Variants in DNAJC18 observed in about 807,000 individuals in gnomAD.
The protein encoded by DNAJC18 is dnaJ homolog subfamily C member 18.
In DNAJC18, 40 loss-of-function variants were observed where a neutral mutation model predicts 48.6. That is an observed-to-expected ratio of 0.82 (90% CI 0.64 to 1.07). The LOEUF (loss-of-function observed/expected upper bound fraction) is 1.07, where lower values mean the gene tolerates loss of function less well. Among genes scored for constraint, DNAJC18 ranks in the 50% least tolerant of loss-of-function variants. DNAJC18 has a pLI of 0.00. For missense variants in DNAJC18, 340 were observed against 427.7 expected (o/e 0.79, Z 1.81); for synonymous variants, 135 against 152.2 (o/e 0.89, Z 0.83).
intron 2 of DNAJC18, among the ~76,000 whole-genome samples, chr5:139,435,703 A>T (rs1236258557): frequency 4.3e-5 from 1 of 23,474 alleles, no homozygotes; most frequent in African/African-American, 1.0e-4. Context: ...TCTTCATTGG[A>T]AGTTTTTTTT....
intron 6 of DNAJC18, among the ~76,000 whole-genome samples, chr5:139,421,109 A>T (rs913994835): frequency 2.6e-5 from 4 of 152,186 alleles, no homozygotes; most frequent in African/African-American, 7.2e-5. Context: ...ATGGAAAAAC[A>T]TGAGAAGCTG....
At position 139,411,773 on chromosome 5, in the gene DNAJC18, T is replaced by A. The variant is rs1374128544; in HGVS notation, c.*2375A>T. ...ATTTAGTATCATCACAGATTACTTA[T>A]CGCTGCCATGAAGTCCATAAAATGT... On this transcript the variant is annotated 3_prime_UTR_variant, in exon 8 of 8. Transcript: ENST00000302060. The A allele has an allele frequency of 2.0e-5, 3 of 152,204 alleles. No homozygotes were observed. The East Asian group carries it at 5.8e-4, about 29-fold the overall frequency. The allele number at this position is 152,204 out of a possible 1,614,324, so 9.4% of individuals were successfully genotyped here. A position where few individuals can be genotyped will look rare whatever the true frequency, so the allele number is the denominator to read the frequency against.
rs138879788 is a variant in DNAJC18, at chr5:139,412,385, C to T, written c.*1763G>A. On this transcript the variant is annotated 3_prime_UTR_variant, in exon 8 of 8. Coordinates refer to ENST00000302060, the MANE Select transcript of DNAJC18 (RefSeq NM_152686.4). ...CAGCGATTCTCATGCCTCAGCCTCC[C>T]GAGTAGCTGGGACTACAGGCATGTG... 1,418 of 212,428 alleles carry T rather than the reference C, an allele frequency of 6.7e-3. 12 individuals are homozygous for T. The highest frequency in any genetic ancestry group is 9.9e-3 in the Non-Finnish European group (1,075 of 108,214). 13.2% of individuals were successfully genotyped at this position (212,428 alleles called of 1,614,324 possible). A position where few individuals can be genotyped will look rare whatever the true frequency, so the allele number is the denominator to read the frequency against.
Position 139,437,563 on chromosome 5 carries a change from A to C in DNAJC18, c.41-5T>G. On this transcript the variant is annotated splice_polypyrimidine_tract_variant and splice_region_variant and intron_variant, in intron 1 of 7. Coordinates refer to ENST00000302060, the MANE Select transcript of DNAJC18 (RefSeq NM_152686.4). ...TTCTAACTGCGTCAATGTAAGCTGC[A>C]AACAACAGCCCCTCCATTAGGTCTC... The C allele has an allele frequency of 6.2e-7, 1 of 1,608,930 alleles. No homozygotes were observed. The highest frequency in any genetic ancestry group is 8.5e-7 in the Non-Finnish European group (1 of 1,178,152).
At position 139,437,435 on chromosome 5, in the gene DNAJC18, G is replaced by A. The variant is rs142678656; in HGVS notation, c.164C>T (p.Thr55Ile). 1.0e-4 allele frequency: 168 copies of A among 1,614,142 alleles called. 1 individual carries two copies. In the African/African-American group the frequency reaches 1.9e-3, roughly 18 times the overall value. ...GTTCCCCTCACCCTGCCGGGTCTGAGTCCACTCATTCTCAGACTTCTTTTC... is the reference window on the plus strand; with the variant it reads ...GTTCCCCTCACCCTGCCGGGTCTGAATCCACTCATTCTCAGACTTCTTTTC... ...QKEKKSENEWTQTRQGEGNST... is the reference protein window; with the variant it reads ...QKEKKSENEWIQTRQGEGNST... Residue 55 changes from threonine to isoleucine, a missense_variant, in exon 2 of 8, where the codon ACT (threonine) becomes ATT (isoleucine). By Grantham distance (89) the Thr-to-Ile change is moderately conservative. Coordinates refer to ENST00000302060, the MANE Select transcript of DNAJC18 (RefSeq NM_152686.4).
Position 139,412,700 on chromosome 5 carries a change from C to T in DNAJC18, c.*1448G>A. 2.5e-6 allele frequency: 1 copy of T among 398,714 alleles called. No individual in the cohort carries two copies. Among genetic ancestry groups the T allele is most frequent in the Non-Finnish European group, 4.4e-6 (1 of 226,118 alleles). 24.7% of individuals were successfully genotyped at this position (398,714 alleles called of 1,614,324 possible). On this transcript the variant is annotated 3_prime_UTR_variant, in exon 8 of 8. Coordinates refer to ENST00000302060, the MANE Select transcript of DNAJC18 (RefSeq NM_152686.4). ...CAGGAAGGCCCAGAACCACACAGCCCAGGCAGTGACTGAATTCTTCCTAGT... is the reference window on the plus strand; with the variant it reads ...CAGGAAGGCCCAGAACCACACAGCCTAGGCAGTGACTGAATTCTTCCTAGT...
Position 139,439,252 on chromosome 5 carries a change from C to T in DNAJC18, c.40+154G>A, listed in dbSNP as rs921245117. On this transcript the variant is annotated intron_variant, in intron 1 of 7. Transcript: ENST00000302060. This position sits in a 1 kb window ranked among gnomAD's most constrained non-coding sequence, Gnocchi z 4.1. ...CGCGGTCGGTCCCCAGCTTCCCTAC[C>T]CCATCCGCAACCCTACTCAGGCTCA... 2.0e-5 allele frequency among the ~76,000 whole-genome samples: 3 copies of T among 152,154 alleles called. No homozygotes were observed. Among genetic ancestry groups the T allele is most frequent in the Non-Finnish European group, 2.9e-5 (2 of 68,012 alleles).
At chr5:139,427,404 A>G (rs1759260845) in intron 3 of DNAJC18, among the ~76,000 whole-genome samples, 1 of 152,072 alleles carries the variant, frequency 6.6e-6, no homozygotes, top group African/African-American at 2.4e-5. Context: ...GGCATCCCGC[A>G]CTCCCTACCT....
At chr5:139,434,906 A>G (rs1390604269) in intron 2 of DNAJC18, among the ~76,000 whole-genome samples, 1 of 152,020 alleles carries the variant, frequency 6.6e-6, no homozygotes, top group Non-Finnish European at 1.5e-5. Context: ...TGTTGAACAG[A>G]GTGGCAAGAG....
In DNAJC18 at chr5:139,422,823, AAAG is replaced by A. The variant is rs1233640680; in HGVS notation, c.670-9_670-7del. 1 of 1,569,030 alleles carries A rather than the reference AAAG, an allele frequency of 6.4e-7. No homozygotes were observed. The highest frequency in any genetic ancestry group is 8.6e-7 in the Non-Finnish European group (1 of 1,162,662). ...ATAAATGCAGAATATGTAGTCTGAAAAAGAAAAAAAAATAAAAACTTGCTGTAA... is the reference window on the plus strand; with the variant it reads ...ATAAATGCAGAATATGTAGTCTGAAAAAAAAAAAATAAAAACTTGCTGTAA... On this transcript the variant is annotated splice_region_variant and splice_polypyrimidine_tract_variant and intron_variant, in intron 5 of 7. Coordinates refer to ENST00000302060, the MANE Select transcript of DNAJC18 (RefSeq NM_152686.4).
intron 2 of DNAJC18, among the ~76,000 whole-genome samples, chr5:139,429,934 C>T (rs1470272940): frequency 6.6e-6 from 1 of 152,034 alleles, no homozygotes; most frequent in Non-Finnish European, 1.5e-5. Flanking sequence ...CTCTAAAAAA[C>T]AAACAAAAAA....
chr5:139,418,804 T>C (rs941129646), intron 7 of DNAJC18: 4 of 456,224 alleles, frequency 8.8e-6, no homozygotes, highest in Admixed American at 4.7e-5. Context: ...TGTTGAGCAC[T>C]TGTTCTGAAG....
At chr5:139,418,895 G>C (rs1482136660) in intron 7 of DNAJC18, 3 of 455,492 alleles carry the variant, frequency 6.6e-6, no homozygotes, top group African/African-American at 6.0e-5. Context: ...TCTTGCAGGG[G>C]AGACTGACAT....
chr5:139,432,654 GC>G (rs1759348760), intron 2 of DNAJC18, among the ~76,000 whole-genome samples: 1 of 152,108 alleles, frequency 6.6e-6, no homozygotes, highest in African/African-American at 2.4e-5. Context: ...CTTTTTAAAG[GC>G]AGTCCCTTAA....
At position 139,425,001 on chromosome 5, in the gene DNAJC18, G is replaced by A. The variant is rs752423609; in HGVS notation, c.669+4C>T. The A allele has an allele frequency of 1.2e-6, 2 of 1,611,680 alleles. No individual in the cohort carries two copies. Among genetic ancestry groups the A allele is most frequent in the African/African-American group, 2.7e-5 (2 of 74,862 alleles). ...GGCAGCAGTGCTCCTCCCTCCCTAG[G>A]TACCTGAGGTTTCTCTTCTTCCTCC... On this transcript the variant is annotated splice_donor_region_variant and intron_variant, in intron 5 of 7. Transcript: ENST00000302060.
At position 139,425,012 on chromosome 5, in the gene DNAJC18, TTC is replaced by T; in HGVS notation, c.660_661del (p.Lys221ThrfsTer30). 6.2e-7 allele frequency: 1 copy of T among 1,612,812 alleles called. No individual in the cohort carries two copies. The highest frequency in any genetic ancestry group is 1.1e-5 in the South Asian group (1 of 91,074). On this transcript the variant is annotated frameshift_variant, in exon 5 of 8. Transcript: ENST00000302060. LOFTEE classifies it high-confidence loss of function. The stretch of plus-strand genomic sequence containing the variant: ...TCCTCCCTCCCTAGGTACCTGAGGT[TTC>T]TCTTCTTCCTCCTCCTTCTGAGTCT...
intron 2 of DNAJC18, among the ~76,000 whole-genome samples, chr5:139,432,354 G>A (rs971555529): frequency 2.6e-5 from 4 of 151,758 alleles, no homozygotes; most frequent in African/African-American, 4.8e-5. Flanking sequence ...TAGTAGAGAC[G>A]GGGTTTCACC....
rs769769757 is a variant in DNAJC18, at chr5:139,439,455, C to T, written c.-10G>A. Reference sequence around the variant, plus strand: ...CCAGAGTCGCCGCCATATCGGTTCCCAATCAGCAGGTCCGCCGAGCCTCCC... The same window carrying T: ...CCAGAGTCGCCGCCATATCGGTTCCTAATCAGCAGGTCCGCCGAGCCTCCC... On this transcript the variant is annotated 5_prime_UTR_variant, in exon 1 of 8. Transcript: ENST00000302060. This position sits in a 1 kb window ranked among gnomAD's most constrained non-coding sequence, Gnocchi z 4.1. The T allele has an allele frequency of 6.2e-7, 1 of 1,613,980 alleles. No individual in the cohort carries two copies. The highest frequency in any genetic ancestry group is 8.5e-7 in the Non-Finnish European group (1 of 1,180,018).
intron 2 of DNAJC18, among the ~76,000 whole-genome samples, chr5:139,436,515 C>CTTTT (rs57926576): frequency 0.027 from 1,818 of 67,380 alleles, 1 homozygote; most frequent in Non-Finnish European, 0.036. Flanking sequence ...ATCCCTCTTT[C>CTTTT]TTTTTTTTTT....
Sources: gnomAD v4.1 joint callset for allele counts (sites outside exome capture counted in the v4.1 genomes callset) on GRCh38, gnomAD v4.1.1 for gene constraint, Gnocchi (gnomAD v3.1) non-coding constraint, MANE v1.5 for transcripts, NCBI Gene and HGNC (gene_info 2026-07-23, HGNC 2026-07-21) for gene names.